PEBP4: variants seen among roughly 807,000 people sequenced by gnomAD.
The protein encoded by PEBP4 is phosphatidylethanolamine-binding protein 4.
A neutral mutation model predicts 23.9 loss-of-function variants in PEBP4; 22 were observed. That is an observed-to-expected ratio of 0.92 (90% CI 0.66 to 1.31). The LOEUF (loss-of-function observed/expected upper bound fraction) is 1.31. Among genes scored for constraint, PEBP4 ranks in the 40% most tolerant of loss-of-function variants. PEBP4 has a pLI of 0.00. For synonymous variants in PEBP4, 112 were observed against 99.3 expected (o/e 1.13, Z -0.76); for missense variants, 324 against 281.7 (o/e 1.15, Z -1.07).
intron 1 of PEBP4, among the ~76,000 whole-genome samples, chr8:22,940,488 C>CTT (rs776524289): frequency 3.5e-5 from 2 of 57,370 alleles, no homozygotes; most frequent in South Asian, 5.6e-4. Flanking sequence ...CCATGAATTT[C>CTT]TCTTTTTTTT....
intron 3 of PEBP4, chr8:22,884,765 C>A (rs1563249004): frequency 6.6e-6 from 1 of 152,270 alleles, no homozygotes; most frequent in East Asian, 1.9e-4. Context: ...TCTCTTCTCC[C>A]AATGTCCTCT....
At chr8:22,869,807 G>C (rs941604049) in intron 3 of PEBP4, among the ~76,000 whole-genome samples, 3 of 152,144 alleles carry the variant, frequency 2.0e-5, no homozygotes, top group African/African-American at 7.2e-5. Context: ...ATATGAAAAG[G>C]TGCTCATGAT....
intron 3 of PEBP4, chr8:22,897,898 G>T (rs939282604): frequency 6.6e-6 from 1 of 152,028 alleles, no homozygotes; most frequent in Admixed American, 6.6e-5. Context: ...ATAAGGGTGG[G>T]GCCTTTATGA....
chr8:22,817,562 G>A, intron 4 of PEBP4, 75 bp downstream of exon 4: 1 of 1,360,308 alleles, frequency 7.4e-7, no homozygotes, highest in East Asian at 2.3e-5. Flanking sequence ...TGGATGAGAG[G>A]TGGGAACTGC....
At chr8:22,935,339 G>C (rs1015837505) in intron 1 of PEBP4, among the ~76,000 whole-genome samples, 1 of 151,944 alleles carries the variant, frequency 6.6e-6, no homozygotes, top group African/African-American at 2.4e-5. Flanking sequence ...TGGCCAACAT[G>C]GAGAAACCAT....
chr8:22,742,253 A>G (rs1311523768), intron 4 of PEBP4, among the ~76,000 whole-genome samples: 1 of 152,216 alleles, frequency 6.6e-6, no homozygotes, highest in Admixed American at 6.5e-5. Flanking sequence ...AATGAATGCA[A>G]ACGACAGCTG....
chr8:22,724,413 T>C (rs1804582041), intron 6 of PEBP4, among the ~76,000 whole-genome samples: 1 of 152,182 alleles, frequency 6.6e-6, no homozygotes, highest in Admixed American at 6.5e-5. Context: ...GACCCAGTAA[T>C]TAGCAACCCA....
chr8:22,848,141 C>G (rs1807478316), intron 3 of PEBP4, among the ~76,000 whole-genome samples: 1 of 152,094 alleles, frequency 6.6e-6, no homozygotes, highest in Non-Finnish European at 1.5e-5. Context: ...CTGTAAATAC[C>G]TTAAATCATG....
chr8:22,836,848 A>C (rs539093221), intron 3 of PEBP4, among the ~76,000 whole-genome samples: 2 of 152,196 alleles, frequency 1.3e-5, no homozygotes, highest in Non-Finnish European at 2.9e-5. Context: ...TCCATACTGC[A>C]TGAAAGGGAG....
At chr8:22,731,540 T>C (rs1804731054) in intron 4 of PEBP4, among the ~76,000 whole-genome samples, 1 of 152,258 alleles carries the variant, frequency 6.6e-6, no homozygotes, top group Non-Finnish European at 1.5e-5. Flanking sequence ...CTATTAGTAG[T>C]TAAATTTGGG....
At chr8:22,896,023 TCAGA>T (rs1808583328) in intron 3 of PEBP4, 1 of 152,274 alleles carries the variant, frequency 6.6e-6, no homozygotes, top group Non-Finnish European at 1.5e-5. Context: ...CTGTGTGGCA[TCAGA>T]CAGTTGCCTG....
Position 22,892,325 on chromosome 8 carries a change from G to A in PEBP4, c.258+27859C>T, listed in dbSNP as rs138626800. ...TGGTTTTTAAGTGTATAATTCAGTA[G>A]TGTGAAGTCCATTCACACTGCTGTG... On this transcript the variant is annotated intron_variant, in intron 3 of 6. Coordinates refer to ENST00000256404, the MANE Select transcript of PEBP4 (RefSeq NM_144962.3). 1.4e-4 allele frequency among the ~76,000 whole-genome samples: 21 copies of A among 152,242 alleles called. No individual in the cohort carries two copies. In the East Asian group the frequency reaches 2.5e-3, roughly 18 times the overall value.
intron 6 of PEBP4, among the ~76,000 whole-genome samples, chr8:22,722,590 A>G (rs1280087810): frequency 4.6e-5 from 7 of 152,192 alleles, no homozygotes. Flanking sequence ...TTTAATTACA[A>G]CCTGCTTTGC....
At chr8:22,891,333 G>A (rs987698900) in intron 3 of PEBP4, among the ~76,000 whole-genome samples, 4 of 152,198 alleles carry the variant, frequency 2.6e-5, no homozygotes, top group Non-Finnish European at 5.9e-5. Flanking sequence ...AAGTGGGGTG[G>A]GAGCCATGGA....
At chr8:22,930,977 G>C (rs919000594), upstream of PEBP4, among the ~76,000 whole-genome samples, 1 of 152,098 alleles carries the variant, frequency 6.6e-6, no homozygotes, top group African/African-American at 2.4e-5. Flanking sequence ...GGCTTCCTGA[G>C]ACACATTGGT....
At chr8:22,729,247 G>A (rs1229565207) in intron 4 of PEBP4, among the ~76,000 whole-genome samples, 2 of 152,242 alleles carry the variant, frequency 1.3e-5, no homozygotes, top group Non-Finnish European at 1.5e-5. Context: ...TCTGCCACCC[G>A]AGCAAGATGG....
intron 3 of PEBP4, among the ~76,000 whole-genome samples, chr8:22,862,386 A>G (rs535227112): frequency 6.6e-6 from 1 of 152,252 alleles, no homozygotes; most frequent in East Asian, 1.9e-4. Context: ...TTCCTGCCCC[A>G]GAAGAGTGAT....
At chr8:22,912,409 T>G (rs1179495338) in intron 3 of PEBP4, among the ~76,000 whole-genome samples, 2 of 152,170 alleles carry the variant, frequency 1.3e-5, no homozygotes, top group Admixed American at 6.5e-5. Context: ...AATACATGAA[T>G]GACTGAATGA....
At chr8:22,832,417 T>C (rs1017104224) in intron 3 of PEBP4, among the ~76,000 whole-genome samples, 23 of 152,204 alleles carry the variant, frequency 1.5e-4, no homozygotes, top group African/African-American at 4.8e-4. Flanking sequence ...CAGGCCCTTG[T>C]CAGACACTGA....
Sources: allele counts gnomAD v4.1 joint callset (sites outside exome capture counted in the v4.1 genomes callset), GRCh38; gene constraint gnomAD v4.1.1; transcripts MANE v1.5; gene names NCBI Gene and HGNC (gene_info 2026-07-23, HGNC 2026-07-21).